The following VPS16 variants were observed in gnomAD, a reference collection of about 807,000 sequenced individuals.
VPS16 encodes vacuolar protein sorting-associated protein 16 homolog.
In VPS16, 82 loss-of-function variants were observed where a neutral mutation model predicts 116.0. That is an observed-to-expected ratio of 0.71 (90% CI 0.59 to 0.85). The LOEUF (loss-of-function observed/expected upper bound fraction) is 0.85. Among genes scored for constraint, VPS16 ranks in the 40% least tolerant of loss-of-function variants. The pLI, the probability that VPS16 is intolerant of heterozygous loss-of-function variation, is 0.00. For missense variants in VPS16, 928 were observed against 1,090.6 expected (o/e 0.85, Z 2.10); for synonymous variants, 406 against 420.7 (o/e 0.96, Z 0.43).
Position 2,843,260 on chromosome 20 carries a change from C to T in VPS16, c.53+2433C>T, listed in dbSNP as rs144834710. The stretch of plus-strand genomic sequence containing the variant: ...CAGCCTGGCCAACATGATGAAACCC[C>T]GTCTCTACTAGAAATACAAAAATTT... On this transcript the variant is annotated intron_variant, in intron 1 of 23. Coordinates refer to ENST00000380445, the MANE Select transcript of VPS16 (RefSeq NM_022575.4). Among the ~76,000 whole-genome samples the T allele has an allele frequency of 1.1e-3, 174 of 152,142 alleles. No homozygotes were observed. The Middle Eastern group carries it at 0.017, about 15-fold the overall frequency.
chr20:2,862,597 G>C lies in VPS16; in HGVS notation c.1090G>C (p.Asp364His). 1 of 1,613,432 alleles carries C rather than the reference G, an allele frequency of 6.2e-7. No homozygotes were observed. Among genetic ancestry groups the C allele is most frequent in the Middle Eastern group, 1.7e-4 (1 of 5,944 alleles). Residue 364 changes from aspartate to histidine, a missense_variant, in exon 12 of 24, where the codon GAC (aspartate) becomes CAC (histidine). Coordinates refer to ENST00000380445, the MANE Select transcript of VPS16 (RefSeq NM_022575.4). ...KEYEKESQKA[D>H]EYLREIQELG... The stretch of plus-strand genomic sequence containing the variant: ...CCACCAGAAAGAGAGCCAGAAGGCG[G>C]ACGAGTACCTGCGGGAGATCCAGGA...
intron 1 of VPS16, among the ~76,000 whole-genome samples, chr20:2,843,107 T>G (rs1228128418): frequency 6.6e-6 from 1 of 152,180 alleles, no homozygotes; most frequent in Non-Finnish European, 1.5e-5. Flanking sequence ...CTGTTGCATT[T>G]GTTGTTTATT....
intron 1 of VPS16, among the ~76,000 whole-genome samples, chr20:2,841,517 A>T (rs572778526): frequency 1.3e-5 from 2 of 152,268 alleles, no homozygotes; most frequent in Admixed American, 1.3e-4. Context: ...ACAAGGCCCT[A>T]ACCAGTCTGC....
intron 1 of VPS16, among the ~76,000 whole-genome samples, chr20:2,846,337 G>T (rs777652308): frequency 3.3e-5 from 5 of 151,812 alleles, no homozygotes; most frequent in Non-Finnish European, 5.9e-5. Context: ...GGCTGCTTTC[G>T]AACTCCTGAC....
chr20:2,861,749 G>A (rs766489878), intron 9 of VPS16, 45 bp downstream of exon 9: 59 of 1,608,460 alleles, frequency 3.7e-5, no homozygotes, highest in Non-Finnish European at 4.8e-5. Context: ...GGGAGGGGAG[G>A]GTTCACCTGC....
intron 1 of VPS16, among the ~76,000 whole-genome samples, chr20:2,859,281 C>T (rs1483328656): frequency 6.6e-6 from 1 of 152,112 alleles, no homozygotes; most frequent in Non-Finnish European, 1.5e-5. Flanking sequence ...ACACTGAGAC[C>T]CTCTCTCAAA....
intron 1 of VPS16, among the ~76,000 whole-genome samples, chr20:2,854,140 C>T (rs1036289859): frequency 1.3e-5 from 2 of 151,998 alleles, no homozygotes; most frequent in Middle Eastern, 3.4e-3. Flanking sequence ...CAAGCATGGT[C>T]GTGCACACCT....
At chr20:2,854,483 G>A (rs1446964306) in intron 1 of VPS16, among the ~76,000 whole-genome samples, 2 of 151,758 alleles carry the variant, frequency 1.3e-5, no homozygotes, top group African/African-American at 4.8e-5. Context: ...AGAAAAAAAT[G>A]TATTTCTTAT....
chr20:2,848,717 T>C (rs2089086742), intron 1 of VPS16, among the ~76,000 whole-genome samples: 1 of 152,194 alleles, frequency 6.6e-6, no homozygotes, highest in African/African-American at 2.4e-5. Context: ...AATGAGGTCC[T>C]TGATTAGCTG....
intron 1 of VPS16, chr20:2,841,190 C>G (rs2088968291): frequency 3.2e-6 from 1 of 308,524 alleles, no homozygotes; most frequent in Non-Finnish European, 6.1e-6. Flanking sequence ...GGGGCGGGAT[C>G]GCACGGCGGG....
chr20:2,845,548 A>G (rs2089050318), intron 1 of VPS16, among the ~76,000 whole-genome samples: 1 of 151,950 alleles, frequency 6.6e-6, no homozygotes, highest in African/African-American at 2.4e-5. Context: ...AGCTGTGTGT[A>G]GTGGCACGCA....
In VPS16 at chr20:2,864,714, G is replaced by T; in HGVS notation, c.1926+60G>T. 6.4e-7 allele frequency: 1 copy of T among 1,550,916 alleles called. No homozygotes were observed. On this transcript the variant is annotated intron_variant, in intron 19 of 23. Transcript: ENST00000380445. The surrounding 1 kb of genome is among the most constrained non-coding windows in gnomAD (Gnocchi z 5.2). Reference sequence around the variant, plus strand: ...GCATGTGGGCTGGGGCTGTTGGTCCGGTTCCTTCAGGAATCTAGGCCTTCG... The same window carrying T: ...GCATGTGGGCTGGGGCTGTTGGTCCTGTTCCTTCAGGAATCTAGGCCTTCG...
At chr20:2,858,359 G>A (rs926573630) in intron 1 of VPS16, among the ~76,000 whole-genome samples, 2 of 151,936 alleles carry the variant, frequency 1.3e-5, no homozygotes, top group African/African-American at 2.4e-5. Flanking sequence ...TGCCTGCTTC[G>A]GCCCCCTAAA....
intron 1 of VPS16, among the ~76,000 whole-genome samples, chr20:2,852,013 TG>T (rs2089127662): frequency 6.6e-6 from 1 of 151,992 alleles, no homozygotes; most frequent in African/African-American, 2.4e-5. Context: ...AGGACATTGG[TG>T]GAAACACTAG....
chr20:2,857,123 A>G (rs1770350383), intron 1 of VPS16, among the ~76,000 whole-genome samples: 1 of 152,020 alleles, frequency 6.6e-6, no homozygotes, highest in Non-Finnish European at 1.5e-5. Flanking sequence ...GATTTCAGGC[A>G]TGCGCCACCA....
At chr20:2,851,765 C>T (rs1013485422) in intron 1 of VPS16, among the ~76,000 whole-genome samples, 2 of 151,854 alleles carry the variant, frequency 1.3e-5, no homozygotes, top group African/African-American at 4.8e-5. Context: ...GTCAGGAGAT[C>T]GAGACCATCC....
chr20:2,861,537 G>A, intron 8 of VPS16, 78 bp from the exon 9 acceptor site: 1 of 1,504,826 alleles, frequency 6.6e-7, no homozygotes, highest in Admixed American at 2.0e-5. Context: ...GCTGTCCCGA[G>A]ACAAAGGATT....
chr20:2,861,356 C>G (rs1002837533), intron 8 of VPS16, 76 bp downstream of exon 8: 3 of 1,600,712 alleles, frequency 1.9e-6, no homozygotes, highest in Non-Finnish European at 2.6e-6. Flanking sequence ...TTCCTTGATT[C>G]GTCATGTCTA....
In VPS16 at chr20:2,862,920, G is replaced by C. The variant is rs372092816; in HGVS notation, c.1317G>C (p.Pro439=). 6.2e-7 allele frequency: 1 copy of C among 1,613,952 alleles called. No individual in the cohort carries two copies. The highest frequency in any genetic ancestry group is 1.1e-5 in the South Asian group (1 of 91,084). The part of the protein sequence containing the change: ...NAVRDYHIGI[P]LTYSQYKQLT... ...TTCGGGACTATCACATCGGGATCCCGCTCACCTATAGCCAGTATCCCTGTG... is the reference window on the plus strand; with the variant it reads ...TTCGGGACTATCACATCGGGATCCCCCTCACCTATAGCCAGTATCCCTGTG... Residue 439 remains proline (P), a synonymous_variant, in exon 13 of 24, where the codon CCG becomes CCC. Transcript: ENST00000380445.
Sources: gnomAD v4.1 joint callset for allele counts (sites outside exome capture counted in the v4.1 genomes callset) on GRCh38, gnomAD v4.1.1 for gene constraint, Gnocchi (gnomAD v3.1) non-coding constraint, MANE v1.5 for transcripts, NCBI Gene and HGNC (gene_info 2026-07-23, HGNC 2026-07-21) for gene names.